The following EVC2 variants were observed in gnomAD, a reference collection of about 807,000 sequenced individuals.
EVC2 encodes limbin.
EVC2 carries 148 observed loss-of-function variants against 149.3 expected under a neutral mutation model. The ratio of observed to expected loss-of-function variants is 0.99; its 90% CI spans 0.87 to 1.14. EVC2 has a LOEUF of 1.14. Ranked by LOEUF, EVC2 falls within the 50% of genes most tolerant of loss-of-function variation. The pLI is 0.00. For synonymous variants in EVC2, 776 were observed against 649.9 expected, an observed-to-expected ratio of 1.19 and a Z score of -2.95; for missense variants, 1,854 against 1,627.3, an observed-to-expected ratio of 1.14 and a Z score of -2.40.
chr4:5,541,061 C>T (rs1721502924), downstream of EVC2, among the ~76,000 whole-genome samples: 1 of 152,220 alleles, frequency 6.6e-6, no homozygotes, highest in African/African-American at 2.4e-5. Flanking sequence ...GCTTTTCCAG[C>T]TGCCGCTGGC....
chr4:5,571,571 C>G (rs1722647277), intron 19 of EVC2, among the ~76,000 whole-genome samples: 1 of 152,078 alleles, frequency 6.6e-6, no homozygotes, highest in Non-Finnish European at 1.5e-5. Flanking sequence ...CCACTTCCTC[C>G]CTGCTCCTCT....
chr4:5,687,615 G>T (rs1325282679), intron 5 of EVC2, among the ~76,000 whole-genome samples: 8 of 152,140 alleles, frequency 5.3e-5, no homozygotes, highest in Non-Finnish European at 8.8e-5. Context: ...TTCTAGAAAA[G>T]GTGACACCAG....
chr4:5,708,465 C>G lies in EVC2; in HGVS notation c.49G>C (p.Gly17Arg), dbSNP rs1312959424. The change falls in exon 1 of 22, where the codon GGT becomes CGT. Residue 17 changes from glycine (G) to arginine (R), a missense_variant. Coordinates refer to ENST00000344408, the MANE Select transcript of EVC2 (RefSeq NM_147127.5). ...AGCGCCAGGGCCACTGCCAGGAGAC[C>G]CCCGGCCAGCACCCACGTGGGGCGC... is the stretch of plus-strand genomic sequence containing the variant. ...RGRPTWVLAG[G>R]LLAVALALGG... The G allele has an allele frequency of 1.3e-6, 2 of 1,504,958 alleles. No individual in the cohort carries two copies. The highest frequency in any genetic ancestry group is 4.1e-5 in the Admixed American group (2 of 48,200). 93.2% of individuals were successfully genotyped at this position (1,504,958 alleles called of 1,614,324 possible).
Position 5,576,072 on chromosome 4 carries a change from A to T in EVC2, c.3272+168T>A, listed in dbSNP as rs1722903462. Among the ~76,000 whole-genome samples the T allele has an allele frequency of 6.6e-6, 1 of 152,236 alleles. No individual in the cohort carries two copies. Among genetic ancestry groups the T allele is most frequent in the African/African-American group, 2.4e-5 (1 of 41,464 alleles). On this transcript the variant is annotated intron_variant, in intron 18 of 21. Coordinates refer to ENST00000344408, the MANE Select transcript of EVC2 (RefSeq NM_147127.5). This position sits in a 1 kb window ranked among gnomAD's most constrained non-coding sequence, Gnocchi z 4.5. ...ATTTAAAAAAGAAGGGCATCAGGGA[A>T]GAAAGAGTATGCTACAAAGCCAGCA...
At chr4:5,621,937 G>A (rs761851555) in intron 14 of EVC2, among the ~76,000 whole-genome samples, 5 of 152,194 alleles carry the variant, frequency 3.3e-5, no homozygotes, top group African/African-American at 7.2e-5. Context: ...CTACTCAGAA[G>A]TGGAAGTCAT....
chr4:5,705,842 T>C (rs78297474), intron 1 of EVC2, among the ~76,000 whole-genome samples: 2,376 of 152,130 alleles, frequency 0.016, 60 homozygotes, highest in African/African-American at 0.054. Context: ...CGCCAGGGAT[T>C]CCCTGGGCCC....
At chr4:5,589,570 A>G (rs1188916794) in intron 16 of EVC2, among the ~76,000 whole-genome samples, 1 of 152,096 alleles carries the variant, frequency 6.6e-6, no homozygotes, top group Non-Finnish European at 1.5e-5. Context: ...CAAAGGGTCT[A>G]CCCTAGTAGA....
At chr4:5,654,470 C>T (rs1242602020) in intron 9 of EVC2, among the ~76,000 whole-genome samples, 1 of 152,226 alleles carries the variant, frequency 6.6e-6, no homozygotes, top group African/African-American at 2.4e-5. Flanking sequence ...GAGGTTTCAA[C>T]CTAGCAGTCA....
chr4:5,535,043 G>T, the EVC2 span, among the ~76,000 whole-genome samples: 1 of 152,034 alleles, frequency 6.6e-6, no homozygotes, highest in East Asian at 1.9e-4. The surrounding 1 kb of genome is among the most constrained non-coding windows in gnomAD (Gnocchi z 4.7). Flanking sequence ...GTAGGCAGAG[G>T]TTCCCTCAAT....
At chr4:5,588,017 C>T (rs1471521748) in intron 16 of EVC2, among the ~76,000 whole-genome samples, 1 of 152,096 alleles carries the variant, frequency 6.6e-6, no homozygotes, top group Non-Finnish European at 1.5e-5. Context: ...TCCCTGAGTT[C>T]TAGATTTCTA....
At chr4:5,583,862 T>TG (rs1169588943) in intron 17 of EVC2, among the ~76,000 whole-genome samples, 89 of 124,352 alleles carry the variant, frequency 7.2e-4, no homozygotes, top group East Asian at 7.8e-4. Context: ...GAAACACAGT[T>TG]TTTTTTTTTT....
intron 17 of EVC2, among the ~76,000 whole-genome samples, chr4:5,579,431 C>T (rs1264859897): frequency 2.0e-5 from 3 of 152,162 alleles, no homozygotes; most frequent in Non-Finnish European, 2.9e-5. Context: ...TCTGTTCTTC[C>T]GGTCTAGATA....
At chr4:5,693,753 T>C (rs1021214952) in intron 3 of EVC2, among the ~76,000 whole-genome samples, 1 of 152,222 alleles carries the variant, frequency 6.6e-6, no homozygotes, top group Non-Finnish European at 1.5e-5. Flanking sequence ...ACAGTTCTCG[T>C]ACTACGTTAA....
At position 5,679,111 on chromosome 4, in the gene EVC2, G is replaced by A. The variant is rs1042948049; in HGVS notation, c.870+2149C>T. 6.6e-6 allele frequency among the ~76,000 whole-genome samples: 1 copy of A among 151,940 alleles called. No individual in the cohort carries two copies. Among genetic ancestry groups the A allele is most frequent in the Non-Finnish European group, 1.5e-5 (1 of 67,990 alleles). The stretch of plus-strand genomic sequence containing the variant: ...TCGTATAGGAAATGTATCATAACTC[G>A]AGCTTGCAGGTCTGGAAGTTGCTCT... On this transcript the variant is annotated intron_variant, in intron 7 of 21. Coordinates refer to ENST00000344408, the MANE Select transcript of EVC2 (RefSeq NM_147127.5). The surrounding 1 kb of genome is among the most constrained non-coding windows in gnomAD (Gnocchi z 5.1).
At chr4:5,547,470 C>T (rs569307121) in intron 21 of EVC2, among the ~76,000 whole-genome samples, 36 of 152,304 alleles carry the variant, frequency 2.4e-4, no homozygotes, top group African/African-American at 6.5e-4. Flanking sequence ...GCCCAGCTGC[C>T]GGTCCCACGG....
chr4:5,665,338 G>A (rs558255873), intron 8 of EVC2, among the ~76,000 whole-genome samples, 177 bp downstream of exon 8: 28 of 152,196 alleles, frequency 1.8e-4, no homozygotes, highest in Non-Finnish European at 3.2e-4. Flanking sequence ...AAAAAAGAAT[G>A]ATGGGGATGC....
chr4:5,664,473 C>T (rs1418071300), intron 8 of EVC2, among the ~76,000 whole-genome samples: 2 of 152,218 alleles, frequency 1.3e-5, no homozygotes, highest in Non-Finnish European at 2.9e-5. Flanking sequence ...CCTGCTCCGA[C>T]ATCAAAGCAG....
chr4:5,553,132 T>G (rs985178269), intron 21 of EVC2, among the ~76,000 whole-genome samples: 1 of 152,148 alleles, frequency 6.6e-6, no homozygotes, highest in Non-Finnish European at 1.5e-5. Flanking sequence ...ACAGGAAGCA[T>G]GATGCTGGCA....
chr4:5,623,090 C>A, intron 13 of EVC2, 99 bp from the exon 14 acceptor site: 2 of 1,095,868 alleles, frequency 1.8e-6, no homozygotes, highest in South Asian at 3.0e-5. Flanking sequence ...ATGTTTATAG[C>A]CTTTTCCCCA....
Sources: gnomAD v4.1 joint callset for allele counts (sites outside exome capture counted in the v4.1 genomes callset) on GRCh38, gnomAD v4.1.1 for gene constraint, Gnocchi (gnomAD v3.1) non-coding constraint, MANE v1.5 for transcripts, NCBI Gene and HGNC (gene_info 2026-07-23, HGNC 2026-07-21) for gene names.